The following SUMF1 variants were observed in gnomAD, a reference collection of about 807,000 sequenced individuals.
The protein encoded by SUMF1 is sulfatase modifying factor 1.
SUMF1 carries 48 observed loss-of-function variants against 47.6 expected under a neutral mutation model. That is an observed-to-expected ratio of 1.01 (90% CI 0.80 to 1.28). The LOEUF is 1.28. SUMF1 is among the 50% of genes most tolerant of loss of function. SUMF1 has a pLI of 0.00. For missense variants in SUMF1, 571 were observed against 485.4 expected, an observed-to-expected ratio of 1.18 and a Z score of -1.66; for synonymous variants, 230 against 192.1, an observed-to-expected ratio of 1.20 and a Z score of -1.63.
chr3:4,103,123 A>G (rs1381720799), intron 8 of SUMF1, among the ~76,000 whole-genome samples: 4 of 151,584 alleles, frequency 2.6e-5, no homozygotes, highest in African/African-American at 4.9e-5. Flanking sequence ...GGGTTTCCCT[A>G]TGTTGGCCAG....
At chr3:4,247,560 G>A (rs1696697979) in intron 8 of SUMF1, among the ~76,000 whole-genome samples, 2 of 151,338 alleles carry the variant, frequency 1.3e-5, no homozygotes, top group Non-Finnish European at 3.0e-5. Context: ...GAGGGGGTAA[G>A]AAGCCCAGCT....
intron 8 of SUMF1, among the ~76,000 whole-genome samples, chr3:4,355,043 C>T (rs1016410940): frequency 2.0e-5 from 3 of 152,286 alleles, no homozygotes; most frequent in Admixed American, 2.0e-4. Context: ...ACCCACGATG[C>T]TAAACTGCCT....
intron 8 of SUMF1, among the ~76,000 whole-genome samples, chr3:4,237,984 T>A (rs1387055704): frequency 6.6e-6 from 1 of 151,510 alleles, no homozygotes; most frequent in South Asian, 2.1e-4. Flanking sequence ...CCTGTTTCCA[T>A]GTGTTCTCAT....
At chr3:4,099,324 G>C (rs77953079) in intron 8 of SUMF1, among the ~76,000 whole-genome samples, 7 of 152,116 alleles carry the variant, frequency 4.6e-5, no homozygotes, top group African/African-American at 9.7e-5. Flanking sequence ...ATCAATAAAT[G>C]TGATCCATCA....
At position 4,199,455 on chromosome 3, in the gene SUMF1, C is replaced by T. The variant is rs73806930; in HGVS notation, c.1015-130710G>A. On this transcript the variant is annotated intron_variant and NMD_transcript_variant, in intron 8 of 12. Transcript: ENST00000448413. ...ACATTCAGATACAAGTCTTTGTGTG[C>T]ACATATGATTTCATTCCTCTTGGGC... Among the ~76,000 whole-genome samples, 631 of 152,102 alleles carry T rather than the reference C, an allele frequency of 4.1e-3. 7 individuals are homozygous for T. Among genetic ancestry groups the T allele is most frequent in the African/African-American group, 0.014 (600 of 41,508 alleles).
intron 8 of SUMF1, among the ~76,000 whole-genome samples, chr3:4,208,317 CAT>C (rs1695697971): frequency 6.6e-6 from 1 of 151,984 alleles, no homozygotes; most frequent in Admixed American, 6.6e-5. Context: ...GACACAGTCT[CAT>C]AAAAAGACTG....
chr3:4,154,296 A>C (rs75361415), intron 8 of SUMF1, among the ~76,000 whole-genome samples: 4,403 of 151,508 alleles, frequency 0.029, 177 homozygotes, highest in African/African-American at 0.054. Context: ...AAGTGACTCT[A>C]ATCCTGGGGA....
At chr3:4,132,478 T>C (rs1693815683) in intron 8 of SUMF1, among the ~76,000 whole-genome samples, 1 of 152,080 alleles carries the variant, frequency 6.6e-6, no homozygotes, top group South Asian at 2.1e-4. Flanking sequence ...CACCATCCAA[T>C]ATATGGTACT....
chr3:4,312,330 G>C (rs1307932191), intron 8 of SUMF1, among the ~76,000 whole-genome samples: 1 of 152,042 alleles, frequency 6.6e-6, no homozygotes, highest in Non-Finnish European at 1.5e-5. Context: ...TCAGCACTGA[G>C]TTTTCTGACA....
At chr3:4,319,364 G>C (rs928945259) in intron 8 of SUMF1, among the ~76,000 whole-genome samples, 6 of 152,200 alleles carry the variant, frequency 3.9e-5, no homozygotes, top group Non-Finnish European at 7.4e-5. Flanking sequence ...TGCAGCCAAG[G>C]AGAATGGGAG....
intron 8 of SUMF1, among the ~76,000 whole-genome samples, chr3:4,187,896 T>C (rs979398222): frequency 2.0e-5 from 3 of 152,206 alleles, no homozygotes; most frequent in Non-Finnish European, 4.4e-5. Context: ...GACCTTAACA[T>C]GCACTTCATT....
At chr3:4,460,854 T>C (rs1454127932) in intron 1 of SUMF1, among the ~76,000 whole-genome samples, 1 of 151,732 alleles carries the variant, frequency 6.6e-6, no homozygotes, top group Non-Finnish European at 1.5e-5. Context: ...GAGGTCTTGT[T>C]ATGTTGCCCA....
intron 8 of SUMF1, among the ~76,000 whole-genome samples, chr3:4,153,117 T>C (rs957021278): frequency 4.0e-5 from 6 of 151,636 alleles, no homozygotes; most frequent in African/African-American, 1.2e-4. Flanking sequence ...AATGGATACA[T>C]ATATCAAAAC....
chr3:4,104,743 A>AT (rs1379586024), intron 8 of SUMF1, among the ~76,000 whole-genome samples: 4 of 150,404 alleles, frequency 2.7e-5, no homozygotes, highest in African/African-American at 9.9e-5. Flanking sequence ...CAATGTAATA[A>AT]TTTTTTTCCT....
intron 8 of SUMF1, among the ~76,000 whole-genome samples, chr3:4,355,755 G>A (rs767982018): frequency 6.6e-6 from 1 of 152,180 alleles, no homozygotes; most frequent in Non-Finnish European, 1.5e-5. Context: ...CCAAGGGCGG[G>A]AGAGCAATCC....
At chr3:4,366,633 G>C (rs1403569098) in intron 8 of SUMF1, among the ~76,000 whole-genome samples, 2 of 151,704 alleles carry the variant, frequency 1.3e-5, no homozygotes, top group African/African-American at 2.4e-5. Flanking sequence ...TTTTTTCAAA[G>C]TTTTTAACTT....
At chr3:4,211,153 T>C (rs905931890) in intron 8 of SUMF1, among the ~76,000 whole-genome samples, 1 of 127,838 alleles carries the variant, frequency 7.8e-6, no homozygotes, top group African/African-American at 3.0e-5. Flanking sequence ...CATATACATA[T>C]ATATACATAT....
At chr3:4,162,877 A>G (rs1694610680) in intron 8 of SUMF1, among the ~76,000 whole-genome samples, 1 of 150,750 alleles carries the variant, frequency 6.6e-6, no homozygotes, top group South Asian at 2.1e-4. Flanking sequence ...GGAGGCTTCT[A>G]CTCAGCCATC....
chr3:4,228,023 A>T (rs2124979081), intron 8 of SUMF1, among the ~76,000 whole-genome samples: 1 of 152,236 alleles, frequency 6.6e-6, no homozygotes, highest in East Asian at 1.9e-4. Context: ...AACACAATGT[A>T]TGCAAAGGCC....
Sources: allele counts gnomAD v4.1 joint callset (sites outside exome capture counted in the v4.1 genomes callset), GRCh38; gene constraint gnomAD v4.1.1; transcripts MANE v1.5; gene names NCBI Gene and HGNC (gene_info 2026-07-23, HGNC 2026-07-21).